The following CTIF variants were observed in gnomAD, a reference collection of about 807,000 sequenced individuals.
CTIF encodes the protein CBP80/20-dependent translation initiation factor.
Under a neutral mutation model 66.0 loss-of-function variants are expected in CTIF, and 21 were observed. The ratio of observed to expected loss-of-function variants is 0.32; its 90% confidence interval spans 0.23 to 0.46. The LOEUF is 0.46. CTIF is among the 20% of genes least tolerant of loss of function. The pLI, the probability that CTIF is intolerant of heterozygous loss-of-function variation, is 1.00. For synonymous variants in CTIF, 345 were observed against 326.4 expected, an observed-to-expected ratio of 1.06 and a Z score of -0.62; for missense variants, 739 against 812.7, an observed-to-expected ratio of 0.91 and a Z score of 1.10.
intron 11 of CTIF, among the ~76,000 whole-genome samples, chr18:48,858,398 G>C (rs536489175): frequency 3.9e-5 from 6 of 152,376 alleles, no homozygotes; most frequent in Admixed American, 3.3e-4. Context: ...TTGGGATTAG[G>C]GGGGAATTAG....
At chr18:48,644,487 A>C (rs928780882) in intron 3 of CTIF, among the ~76,000 whole-genome samples, 1 of 152,214 alleles carries the variant, frequency 6.6e-6, no homozygotes, top group Admixed American at 6.5e-5. Flanking sequence ...CTCTGTGCTC[A>C]CCAGCGTGTA....
At chr18:48,729,939 C>T (rs563955410) in intron 7 of CTIF, among the ~76,000 whole-genome samples, 1 of 152,360 alleles carries the variant, frequency 6.6e-6, no homozygotes, top group African/African-American at 2.4e-5. Context: ...CCCAGATGCC[C>T]TTCCCTGCAT....
At chr18:48,561,742 T>C (rs1030952945) in intron 1 of CTIF, among the ~76,000 whole-genome samples, 7 of 152,216 alleles carry the variant, frequency 4.6e-5, no homozygotes, top group African/African-American at 1.7e-4. Flanking sequence ...TTTTCCTTCC[T>C]GGGGCACTTG....
At chr18:48,839,129 TC>T (rs942777932) in intron 10 of CTIF, among the ~76,000 whole-genome samples, 47 of 152,262 alleles carry the variant, frequency 3.1e-4, no homozygotes, top group African/African-American at 1.1e-3. Flanking sequence ...TTTCTGCCTC[TC>T]CACGGCTCGG....
At chr18:48,588,502 G>A (rs956414065) in intron 1 of CTIF, among the ~76,000 whole-genome samples, 3 of 152,138 alleles carry the variant, frequency 2.0e-5, no homozygotes, top group Admixed American at 1.3e-4. Flanking sequence ...AATCTAGCTC[G>A]CGATCCTCAT....
In CTIF at chr18:48,670,514, T is replaced by C. The variant is rs1425011894; in HGVS notation, c.432-155T>C. On this transcript the variant is annotated intron_variant, in intron 5 of 11. Coordinates refer to ENST00000256413, the MANE Select transcript of CTIF (RefSeq NM_014772.3). ...CCCCCCCACACACACACAGCTTCTCTAGGGCTGTTTCCTCTAGGTGGGACA... is the reference window on the plus strand; with the variant it reads ...CCCCCCCACACACACACAGCTTCTCCAGGGCTGTTTCCTCTAGGTGGGACA... The C allele has an allele frequency of 7.8e-6, 5 of 640,694 alleles. No homozygotes were observed. The East Asian group carries it at 1.4e-4, about 18-fold the overall frequency. 39.7% of individuals were successfully genotyped at this position (640,694 alleles called of 1,614,324 possible). A position where few individuals can be genotyped will look rare whatever the true frequency, so the allele number is the denominator to read the frequency against.
intron 7 of CTIF, among the ~76,000 whole-genome samples, chr18:48,728,737 A>AGT (rs1330517117): frequency 1.4e-5 from 2 of 145,038 alleles, no homozygotes; most frequent in Non-Finnish European, 3.0e-5. Context: ...GGAGGGGGAG[A>AGT]GTGAGAGAGA....
chr18:48,628,151 T>C (rs1385828451), intron 2 of CTIF, among the ~76,000 whole-genome samples: 1 of 152,134 alleles, frequency 6.6e-6, no homozygotes, highest in African/African-American at 2.4e-5. Flanking sequence ...TTTGCAGAAA[T>C]GAGCTATGCA....
chr18:48,773,970 G>A (rs1342381839), intron 9 of CTIF, among the ~76,000 whole-genome samples: 1 of 152,156 alleles, frequency 6.6e-6, no homozygotes, highest in Non-Finnish European at 1.5e-5. Context: ...TATACCCACA[G>A]TGTTCAGGGT....
chr18:48,802,096 C>T (rs556740848), intron 9 of CTIF, among the ~76,000 whole-genome samples: 2 of 152,150 alleles, frequency 1.3e-5, no homozygotes, highest in Admixed American at 6.5e-5. Context: ...TGCAGAGGCA[C>T]GGTGACTGGC....
At chr18:48,796,161 A>G (rs1024090011) in intron 9 of CTIF, among the ~76,000 whole-genome samples, 2 of 151,850 alleles carry the variant, frequency 1.3e-5, no homozygotes, top group Non-Finnish European at 2.9e-5. Flanking sequence ...ATGCCCGGCT[A>G]ATTTTTTAAT....
rs139271263 is a variant in CTIF at position 48,761,557 on chromosome 18, C to G, written c.1239C>G (p.Ile413Met). ...STNSEEMLGE[I>M]VRTIYQKAVS... ...ACTCCGAGGAGATGCTGGGCGAGAT[C>G]GTGCGCACAATCTACCAGAAGGCTG... The change falls in exon 9 of 12, where the codon ATC (isoleucine) becomes ATG (methionine). Residue 413 changes from isoleucine to methionine, a missense_variant. Physicochemically the swap from Ile to Met is conservative, Grantham distance 10 (BLOSUM62 1). Around this residue, in one of 2 missense-constraint regions of CTIF, gnomAD observed 210 missense variants for 292.3 expected, o/e 0.72. Transcript: ENST00000256413. This position sits in a 1 kb window ranked among gnomAD's most constrained non-coding sequence, Gnocchi z 4.2. 1.7e-5 allele frequency: 28 copies of G among 1,614,196 alleles called. No homozygotes were observed. The African/African-American group carries it at 3.1e-4, about 18-fold the overall frequency.
intron 10 of CTIF, among the ~76,000 whole-genome samples, chr18:48,817,785 A>G (rs1436984508): frequency 3.3e-5 from 5 of 151,586 alleles, no homozygotes; most frequent in African/African-American, 1.2e-4. Context: ...CAAAAAAAAA[A>G]AAAGGGGGCC....
intron 1 of CTIF, among the ~76,000 whole-genome samples, chr18:48,597,589 C>T (rs1208749205): frequency 6.6e-6 from 1 of 150,448 alleles, no homozygotes; most frequent in Non-Finnish European, 1.5e-5. Flanking sequence ...TGCTCCTGCC[C>T]TGGCCATGTG....
intron 7 of CTIF, among the ~76,000 whole-genome samples, chr18:48,738,077 A>G (rs1396521484): frequency 1.3e-5 from 2 of 152,126 alleles, no homozygotes; most frequent in Middle Eastern, 3.2e-3. Context: ...TGTCTTCCCC[A>G]TCTCAGACAA....
chr18:48,745,994 G>A (rs1362274370), intron 7 of CTIF, among the ~76,000 whole-genome samples: 2 of 152,190 alleles, frequency 1.3e-5, no homozygotes, highest in African/African-American at 2.4e-5. Context: ...AGGGACAAGC[G>A]AACCTGTCAG....
At chr18:48,628,178 G>C (rs2090636392) in intron 2 of CTIF, among the ~76,000 whole-genome samples, 1 of 152,226 alleles carries the variant, frequency 6.6e-6, no homozygotes. Flanking sequence ...TGGAAGAGCA[G>C]CTCTGGGGGG....
chr18:48,843,112 G>T (rs113567925), intron 10 of CTIF, among the ~76,000 whole-genome samples: 2,543 of 151,898 alleles, frequency 0.017, 74 homozygotes, highest in African/African-American at 0.059. Context: ...CCCAGGACTG[G>T]CCCCTGGCTG....
intron 1 of CTIF, among the ~76,000 whole-genome samples, chr18:48,562,300 T>C (rs1312570193): frequency 6.6e-6 from 1 of 152,104 alleles, no homozygotes; most frequent in Admixed American, 6.5e-5. Context: ...TGAGGCAGAG[T>C]TAACAGAGAG....
Sources: gnomAD v4.1 joint callset for allele counts (sites outside exome capture counted in the v4.1 genomes callset) on GRCh38, gnomAD v4.1.1 for gene constraint, gnomAD v4.1.1 regional missense constraint, Gnocchi (gnomAD v3.1) non-coding constraint, MANE v1.5 for transcripts, NCBI Gene and HGNC (gene_info 2026-07-23, HGNC 2026-07-21) for gene names.